MROH1: variants seen among roughly 807,000 people sequenced by gnomAD.
The protein encoded by MROH1 is maestro heat-like repeat-containing protein family member 1.
In MROH1, 117 loss-of-function variants were observed where a neutral mutation model predicts 116.5. That is an observed-to-expected ratio of 1.00 (90% CI 0.86 to 1.17). MROH1 has a LOEUF of 1.17. MROH1 is among the 50% of genes most tolerant of loss of function. The pLI is 0.00. For synonymous variants in MROH1, 921 were observed against 583.9 expected (o/e 1.58, Z -8.32); for missense variants, 1,873 against 1,338.5 (o/e 1.40, Z -6.23).
chr8:144,188,418 G>C (rs1422724607), intron 7 of MROH1, among the ~76,000 whole-genome samples: 1 of 147,214 alleles, frequency 6.8e-6, no homozygotes, highest in African/African-American at 2.5e-5. Context: ...GGGCCTCACA[G>C]CAGCCCTGGG....
chr8:144,238,012 G>C (rs1840338029), intron 14 of MROH1, among the ~76,000 whole-genome samples: 1 of 152,072 alleles, frequency 6.6e-6, no homozygotes. Flanking sequence ...TTGTTATATT[G>C]AATCTGGCCA....
At chr8:144,248,608 G>T (rs1157408683) in intron 31 of MROH1, among the ~76,000 whole-genome samples, 5 of 152,190 alleles carry the variant, frequency 3.3e-5, no homozygotes, top group Admixed American at 2.6e-4. Context: ...GCCTGAGGGA[G>T]GGTACTGTGA....
chr8:144,187,931 G>A (rs113071921), intron 7 of MROH1, among the ~76,000 whole-genome samples: 4 of 152,250 alleles, frequency 2.6e-5, no homozygotes, highest in Admixed American at 6.5e-5. Context: ...GCATAGGTGC[G>A]GGTTCCGGTG....
chr8:144,199,144 C>T lies in MROH1; in HGVS notation c.971C>T (p.Ser324Leu), dbSNP rs749585805. 3.7e-6 allele frequency: 6 copies of T among 1,613,684 alleles called. No homozygotes were observed. The highest frequency in any genetic ancestry group is 1.6e-4 in the Middle Eastern group (1 of 6,084). The change falls in exon 11 of 44, where the codon TCA (serine) becomes TTA (leucine). Residue 324 changes from serine to leucine, a missense_variant. Coordinates refer to ENST00000326134, the MANE Select transcript of MROH1 (RefSeq NM_032450.3). The part of the protein sequence containing the change: ...HSQICVPVES[S>L]SPLVMSNQKE... ...CAGATCTGTGTGCCTGTGGAGTCCT[C>T]AAGCCCCCTGGTGATGAGTAACCAG...
rs142350317 is a variant in MROH1 at position 144,177,362 on chromosome 8, G to A, written c.169-2093G>A. Among the ~76,000 whole-genome samples the A allele has an allele frequency of 1.9e-3, 296 of 152,374 alleles. 1 individual carries two copies. Among genetic ancestry groups the A allele is most frequent in the African/African-American group, 6.6e-3 (275 of 41,588 alleles). ...TGCTGCATGCCAGGGCCAAGTGCGTGTCAAGTGGCTGGGTGTCAACTTCAA... is the reference window on the plus strand; with the variant it reads ...TGCTGCATGCCAGGGCCAAGTGCGTATCAAGTGGCTGGGTGTCAACTTCAA... On this transcript the variant is annotated intron_variant, in intron 4 of 43. Coordinates refer to ENST00000326134, the MANE Select transcript of MROH1 (RefSeq NM_032450.3).
Position 144,259,917 on chromosome 8 carries a change from A to C in MROH1, c.4051A>C (p.Asn1351His). ...TTTAFLAELL[N>H]SNVANDLMLL... is the part of the protein sequence containing the mutation. The stretch of plus-strand genomic sequence containing the variant: ...ACAGCACCTCTGCCTGCAGCTGCTG[A>C]ACAGCAACGTGGCCAACGACCTCAT... The change falls in exon 38 of 44, where the codon AAC becomes CAC. Residue 1351 changes from asparagine to histidine, a missense_variant. Asn to His is a moderately conservative substitution (Grantham distance 68). Transcript: ENST00000326134. The C allele has an allele frequency of 5.4e-6, 4 of 737,822 alleles. No homozygotes were observed. Among genetic ancestry groups the C allele is most frequent in the Non-Finnish European group, 1.0e-5 (4 of 397,090 alleles). The allele number at this position is 737,822 out of a possible 1,614,324, so 45.7% of individuals were successfully genotyped here.
chr8:144,168,586 CT>C, intron 4 of MROH1, 146 bp downstream of exon 4: 1 of 910,142 alleles, frequency 1.1e-6, no homozygotes, highest in Non-Finnish European at 1.6e-6. Context: ...CCACACGTGC[CT>C]ATGTCAGGGT....
chr8:144,198,668 C>T (rs765124111), intron 10 of MROH1, among the ~76,000 whole-genome samples: 5 of 152,106 alleles, frequency 3.3e-5, no homozygotes, highest in Non-Finnish European at 5.9e-5. Context: ...TTTTGGGTTC[C>T]AGTACTTTAT....
chr8:144,261,439 CTT>C, intron 43 of MROH1, 90 bp downstream of exon 43: 1 of 699,942 alleles, frequency 1.4e-6, no homozygotes, highest in Non-Finnish European at 2.6e-6. Flanking sequence ...GATTTCAGGA[CTT>C]TTTCCCTGTC....
intron 4 of MROH1, chr8:144,175,016 T>C (rs923191476): frequency 2.6e-5 from 26 of 985,308 alleles, no homozygotes; most frequent in Non-Finnish European, 3.0e-5. Context: ...AAGCAAAGAT[T>C]TCCCTCAAAC....
chr8:144,238,641 A>T, intron 14 of MROH1, 115 bp from the exon 15 acceptor site: 2 of 687,582 alleles, frequency 2.9e-6, no homozygotes. Flanking sequence ...GGTGGTGCAC[A>T]TGTCTGCGTG....
At chr8:144,242,245 T>C (rs1314671174) in intron 22 of MROH1, 124 bp from the exon 23 acceptor site, 1 of 771,004 alleles carries the variant, frequency 1.3e-6, no homozygotes, top group Non-Finnish European at 2.4e-6. Flanking sequence ...GGGTCACACC[T>C]CTGCTGTCAC....
chr8:144,243,563 C>T lies in MROH1; in HGVS notation c.2422C>T (p.Gln808Ter). The T allele has an allele frequency of 1.3e-6, 1 of 780,234 alleles. No homozygotes were observed. 48.3% of individuals were successfully genotyped at this position (780,234 alleles called of 1,614,324 possible). A position where few individuals can be genotyped will look rare whatever the true frequency, so the allele number is the denominator to read the frequency against. Residue 808 changes from glutamine to a stop codon, truncating the protein, a stop_gained, in exon 25 of 44, where the codon CAG becomes TAG. Coordinates refer to ENST00000326134, the MANE Select transcript of MROH1 (RefSeq NM_032450.3). LOFTEE classifies it high-confidence loss of function. ...MVSRAICSST[Q>*]AGSFHFTRKA... is the part of the protein sequence containing the mutation. ...CAGCCGCGCCATCTGCAGCAGCACCCAGGCTGGCTCCTTCCACTTCACCCG... is the reference window on the plus strand; with the variant it reads ...CAGCCGCGCCATCTGCAGCAGCACCTAGGCTGGCTCCTTCCACTTCACCCG...
At chr8:144,172,611 G>A (rs553807301) in intron 4 of MROH1, among the ~76,000 whole-genome samples, 115 of 152,038 alleles carry the variant, frequency 7.6e-4, no homozygotes, top group African/African-American at 2.5e-3. Context: ...GGGTTTCACC[G>A]TGTTGGTCAG....
intron 12 of MROH1, among the ~76,000 whole-genome samples, chr8:144,209,675 G>A (rs547200779): frequency 7.6e-4 from 115 of 151,900 alleles, no homozygotes; most frequent in African/African-American, 2.2e-3. Context: ...TTGGGATCCC[G>A]TAGCAAGCAG....
intron 7 of MROH1, among the ~76,000 whole-genome samples, chr8:144,185,899 T>TA (rs1564424718): frequency 1.7e-4 from 2 of 11,942 alleles, no homozygotes; most frequent in Non-Finnish European, 3.0e-4. Context: ...TGGTGAGGGG[T>TA]GGCGGGGGGG....
At chr8:144,259,785 G>T (rs560813237) in intron 37 of MROH1, 126 bp from the exon 38 acceptor site, 1 of 695,912 alleles carries the variant, frequency 1.4e-6, no homozygotes. Flanking sequence ...GAGACCCAGG[G>T]AGTAGGTGCT....
At chr8:144,233,969 C>T (rs1839474755) in intron 14 of MROH1, among the ~76,000 whole-genome samples, 1 of 152,190 alleles carries the variant, frequency 6.6e-6, no homozygotes. Context: ...ATAGGGATTG[C>T]ACTGAATCTG....
chr8:144,247,086 AG>A (rs1226633211), intron 29 of MROH1, among the ~76,000 whole-genome samples: 1 of 100,888 alleles, frequency 9.9e-6, no homozygotes, highest in African/African-American at 3.8e-5. Context: ...GGTGTAGACG[AG>A]GTGTGGTCAG....
Sources: allele counts gnomAD v4.1 joint callset (sites outside exome capture counted in the v4.1 genomes callset), GRCh38; gene constraint gnomAD v4.1.1; transcripts MANE v1.5; gene names NCBI Gene and HGNC (gene_info 2026-07-23, HGNC 2026-07-21).